The following CTNNA2 variants were observed in gnomAD, a reference collection of about 807,000 sequenced individuals.
The protein encoded by CTNNA2 is catenin alpha-2.
Under a neutral mutation model 101.0 loss-of-function variants are expected in CTNNA2, and 42 were observed. The observed-to-expected ratio is 0.42, with a 90% CI of 0.32 to 0.54. The LOEUF is 0.54. CTNNA2 is among the 20% of genes least tolerant of loss of function. The probability of loss-of-function intolerance (pLI) is 0.14; values close to 1 mark genes in which losing one functional copy is unlikely to be tolerated. For missense variants in CTNNA2, 871 were observed against 1,223.1 expected, an observed-to-expected ratio of 0.71 and a Z score of 4.29; for synonymous variants, 450 against 456.4, an observed-to-expected ratio of 0.99 and a Z score of 0.18.
intron 9 of CTNNA2, among the ~76,000 whole-genome samples, chr2:80,520,482 T>G (rs1689451008): frequency 2.0e-5 from 3 of 152,094 alleles, no homozygotes. Flanking sequence ...AACAGAAATG[T>G]GTTTCTCACA....
chr2:80,004,703 T>TTATTTATC (rs1553427261), intron 7 of CTNNA2, among the ~76,000 whole-genome samples: 18 of 103,972 alleles, frequency 1.7e-4, no homozygotes, highest in African/African-American at 5.6e-4. Context: ...ATTTATTTAT[T>TTATTTATC]TATTTATCCA....
rs760618468 is a variant in CTNNA2, at chr2:79,482,545, G to A, written c.-134-22509G>A. Reference sequence around the variant, plus strand: ...AGCCTAGATTTCCAAATGTTACTCAGGTTAAATTTTTTTTTTAAACCAGAT... The same window carrying A: ...AGCCTAGATTTCCAAATGTTACTCAAGTTAAATTTTTTTTTTAAACCAGAT... On this transcript the variant is annotated intron_variant, in intron 4 of 21. Transcript: ENST00000466387. Among the ~76,000 whole-genome samples, 25 of 152,166 alleles carry A rather than the reference G, an allele frequency of 1.6e-4. 1 individual carries two copies. The highest frequency in any genetic ancestry group is 6.8e-3 in the Middle Eastern group (2 of 294).
chr2:79,362,818 G>C (rs1430984345), intron 3 of CTNNA2, among the ~76,000 whole-genome samples: 1 of 152,150 alleles, frequency 6.6e-6, no homozygotes, highest in Non-Finnish European at 1.5e-5. Context: ...ATAGCCTCCA[G>C]CTGACCCACA....
intron 3 of CTNNA2, among the ~76,000 whole-genome samples, chr2:79,839,919 AT>A (rs920501106): frequency 6.6e-6 from 1 of 152,030 alleles, no homozygotes; most frequent in Non-Finnish European, 1.5e-5. Context: ...CTGTATACTA[AT>A]TTTTTTATGA....
intron 9 of CTNNA2, among the ~76,000 whole-genome samples, chr2:80,468,328 A>G (rs1215871931): frequency 1.3e-5 from 2 of 152,244 alleles, no homozygotes; most frequent in Non-Finnish European, 2.9e-5. Context: ...ATTTATGTTT[A>G]TAAACGTGGA....
chr2:79,720,821 G>C (rs555497153), intron 2 of CTNNA2, among the ~76,000 whole-genome samples: 37 of 152,142 alleles, frequency 2.4e-4, no homozygotes, highest in African/African-American at 8.9e-4. Flanking sequence ...TATCTTCAGG[G>C]AAGATAGTTT....
At chr2:80,389,079 G>T (rs181470216) in intron 7 of CTNNA2, among the ~76,000 whole-genome samples, 1 of 152,130 alleles carries the variant, frequency 6.6e-6, no homozygotes, top group African/African-American at 2.4e-5. Flanking sequence ...CAAGGTTTTC[G>T]TACATTATCT....
chr2:80,514,567 G>A (rs1339372115), intron 9 of CTNNA2, among the ~76,000 whole-genome samples: 2 of 152,126 alleles, frequency 1.3e-5, no homozygotes, highest in Admixed American at 6.5e-5. Flanking sequence ...TGTTAGATGT[G>A]GGGAATTTTA....
intron 7 of CTNNA2, among the ~76,000 whole-genome samples, chr2:79,982,222 A>ATATATATATG (rs1691348378): frequency 1.1e-5 from 1 of 89,994 alleles, no homozygotes; most frequent in Non-Finnish European, 2.1e-5. Flanking sequence ...ATATATATAT[A>ATATATATATG]TATATATATA....
chr2:79,765,573 C>T (rs1673093935), intron 3 of CTNNA2, among the ~76,000 whole-genome samples: 2 of 152,100 alleles, frequency 1.3e-5, no homozygotes, highest in South Asian at 4.1e-4. Flanking sequence ...CTAGACTGCC[C>T]TTCCAGAAAG....
At chr2:80,255,027 G>A (rs966875109) in intron 7 of CTNNA2, among the ~76,000 whole-genome samples, 5 of 152,108 alleles carry the variant, frequency 3.3e-5, no homozygotes, top group African/African-American at 1.2e-4. Flanking sequence ...ATCCTGAGCA[G>A]GTCTAGGGGG....
chr2:80,555,587 A>G, intron 11 of CTNNA2, 106 bp from the exon 12 acceptor site: 1 of 551,626 alleles, frequency 1.8e-6, no homozygotes, highest in Non-Finnish European at 3.1e-6. Flanking sequence ...TTAGGCATGC[A>G]TTGAGATGTG....
At chr2:80,180,332 T>C (rs942274634) in intron 7 of CTNNA2, among the ~76,000 whole-genome samples, 1 of 152,262 alleles carries the variant, frequency 6.6e-6, no homozygotes, top group Non-Finnish European at 1.5e-5. Context: ...TTTTGTTCAC[T>C]CGACCTGGCA....
At chr2:80,394,292 G>A (rs1677798369) in intron 8 of CTNNA2, among the ~76,000 whole-genome samples, 1 of 152,200 alleles carries the variant, frequency 6.6e-6, no homozygotes, top group Non-Finnish European at 1.5e-5. Context: ...TTGAATGAGA[G>A]GAACCCACCA....
chr2:80,154,458 A>T (rs1703891059), intron 7 of CTNNA2, among the ~76,000 whole-genome samples: 1 of 152,188 alleles, frequency 6.6e-6, no homozygotes, highest in Non-Finnish European at 1.5e-5. Flanking sequence ...GAATAAACCG[A>T]GCTAAGAAAT....
intron 2 of CTNNA2, among the ~76,000 whole-genome samples, chr2:79,667,041 C>T (rs1430956940): frequency 2.6e-5 from 4 of 152,172 alleles, no homozygotes; most frequent in African/African-American, 9.7e-5. Flanking sequence ...TAAAGATCAA[C>T]AAGGTCACTC....
At chr2:79,223,191 C>T (rs1674367454) in intron 2 of CTNNA2, among the ~76,000 whole-genome samples, 1 of 151,884 alleles carries the variant, frequency 6.6e-6, no homozygotes, top group Admixed American at 6.6e-5. Context: ...ACAAGAGGAC[C>T]CAGAGAGCTC....
At chr2:80,537,031 C>G (rs1691096671) in intron 9 of CTNNA2, among the ~76,000 whole-genome samples, 1 of 152,134 alleles carries the variant, frequency 6.6e-6, no homozygotes, top group Non-Finnish European at 1.5e-5. Context: ...AGGTTTTAAG[C>G]CCCACATGCA....
rs1346041029 is a variant in CTNNA2 at position 80,366,362 on chromosome 2, C to CT, written c.1057-26847dup. 2.0e-5 allele frequency among the ~76,000 whole-genome samples: 3 copies of CT among 152,252 alleles called. No homozygotes were observed. In the East Asian group the frequency reaches 5.8e-4, roughly 29 times the overall value. On this transcript the variant is annotated intron_variant, in intron 7 of 18. Coordinates refer to ENST00000402739, the MANE Select transcript of CTNNA2 (RefSeq NM_001282597.3). Reference sequence around the variant, plus strand: ...TTCTTTTATTTGTCACTGTCAGTGCCTTGATACTTGCATTGATTTCTTTTC... The same window carrying CT: ...TTCTTTTATTTGTCACTGTCAGTGCCTTTGATACTTGCATTGATTTCTTTTC...
Sources: gnomAD v4.1 joint callset for allele counts (sites outside exome capture counted in the v4.1 genomes callset) on GRCh38, gnomAD v4.1.1 for gene constraint, MANE v1.5 for transcripts, NCBI Gene and HGNC (gene_info 2026-07-23, HGNC 2026-07-21) for gene names.